The following CARD6 variants were observed in gnomAD, a reference collection of about 807,000 sequenced individuals.
CARD6 encodes caspase recruitment domain family member 6, also known as caspase recruitment domain-containing protein 6.
A neutral mutation model predicts 23.6 loss-of-function variants in CARD6; 27 were observed. That is an observed-to-expected ratio of 1.14 (90% confidence interval 0.84 to 1.58). CARD6 has a LOEUF of 1.58. CARD6 is among the 40% of genes most tolerant of loss of function. CARD6 has a pLI of 0.00. For missense variants in CARD6, 1,214 were observed against 1,209.9 expected (o/e 1.00, Z -0.05); for synonymous variants, 397 against 431.8 (o/e 0.92, Z 1.00).
intron 2 of CARD6, among the ~76,000 whole-genome samples, chr5:40,847,542 T>C (rs1036478548): frequency 1.3e-5 from 2 of 152,200 alleles, no homozygotes; most frequent in Non-Finnish European, 2.9e-5. Flanking sequence ...TAAATTCTCT[T>C]AGTTTTTGTT....
chr5:40,851,283 A>T (rs370421000), intron 2 of CARD6, among the ~76,000 whole-genome samples: 2 of 151,952 alleles, frequency 1.3e-5, no homozygotes, highest in South Asian at 2.1e-4. Context: ...GTGAGCTGAG[A>T]TCTTGCCACT....
At position 40,853,312 on chromosome 5, in the gene CARD6, C is replaced by G; in HGVS notation, c.1980C>G (p.Asp660Glu). 2 of 1,614,176 alleles carry G rather than the reference C, an allele frequency of 1.2e-6. No individual in the cohort carries two copies. The highest frequency in any genetic ancestry group is 2.2e-5 in the South Asian group (2 of 91,086). The change falls in exon 3 of 3, where the codon GAC becomes GAG. Residue 660 changes from aspartate (D) to glutamate (E), a missense_variant. Physicochemically the swap from Asp to Glu is conservative, Grantham distance 45. Coordinates refer to ENST00000254691, the MANE Select transcript of CARD6 (RefSeq NM_032587.4). Reference protein sequence around the residue: ...ARELGIQVDEDFENTQRIQVS... With the variant: ...ARELGIQVDEEFENTQRIQVS... ...AGCTGGGGATTCAGGTAGATGAAGA[C>G]TTTGAAAACACTCAGAGAATTCAAG...
Position 40,852,462 on chromosome 5 carries a change from A to G in CARD6, c.1130A>G (p.Asp377Gly). Reference protein sequence around the residue: ...IRDIQTINPLDVLCATMLCSD... With the variant: ...IRDIQTINPLGVLCATMLCSD... ...GACATACAAACCATTAATCCCCTTG[A>G]CGTGCTTTGTGCCACCATGCTGTGT... The change falls in exon 3 of 3, where the codon GAC becomes GGC. Residue 377 changes from aspartate to glycine, a missense_variant. Transcript: ENST00000254691. 1 of 1,614,176 alleles carries G rather than the reference A, an allele frequency of 6.2e-7. No individual in the cohort carries two copies. The highest frequency in any genetic ancestry group is 1.3e-5 in the African/African-American group (1 of 75,058).
chr5:40,849,801 C>T (rs902219049), intron 2 of CARD6, among the ~76,000 whole-genome samples: 1 of 151,560 alleles, frequency 6.6e-6, no homozygotes, highest in Admixed American at 6.6e-5. Flanking sequence ...ATGGTGAGAC[C>T]CTGTCTCTAC....
chr5:40,853,868 G>T lies in CARD6; in HGVS notation c.2536G>T (p.Ala846Ser), dbSNP rs141788626. 1.1e-5 allele frequency: 17 copies of T among 1,614,072 alleles called. No homozygotes were observed. The African/African-American group carries it at 2.0e-4, about 19-fold the overall frequency. ...AACTCTTGAAAGGTCTAGGGCAGTA[G>T]CCTCCAAGATAGGTCACTCCTATTC... ...MGTLERSRAV[A>S]SKIGHSYSLD... The change falls in exon 3 of 3, where the codon GCC becomes TCC. Residue 846 changes from alanine (A) to serine (S), a missense_variant. Physicochemically the swap from Ala to Ser is moderately conservative, Grantham distance 99 (BLOSUM62 1). Coordinates refer to ENST00000254691, the MANE Select transcript of CARD6 (RefSeq NM_032587.4).
At position 40,843,396 on chromosome 5, in the gene CARD6, A is replaced by G. The variant is rs1745910158; in HGVS notation, c.528A>G (p.Leu176=). The G allele has an allele frequency of 6.2e-7, 1 of 1,614,116 alleles. No homozygotes were observed. Among genetic ancestry groups the G allele is most frequent in the Non-Finnish European group, 8.5e-7 (1 of 1,179,956 alleles). ...AATATGACACACCAGAAGTCACATT[A>G]TCATATTCAGTTGAGAAAGTTGGAT... ...EKEYDTPEVT[L]SYSVEKVGCE... The change falls in exon 2 of 3, where the codon TTA becomes TTG. Residue 176 remains leucine, a synonymous_variant. Coordinates refer to ENST00000254691, the MANE Select transcript of CARD6 (RefSeq NM_032587.4).
Position 40,853,562 on chromosome 5 carries a change from C to T in CARD6, c.2230C>T (p.His744Tyr). The T allele has an allele frequency of 1.2e-6, 2 of 1,614,186 alleles. No individual in the cohort carries two copies. Among genetic ancestry groups the T allele is most frequent in the Non-Finnish European group, 1.7e-6 (2 of 1,180,024 alleles). ...FPTRIGGNFN[H>Y]VSLKASWVMG... ...AACCAGAATTGGAGGTAACTTTAAC[C>T]ATGTTTCCTTGAAAGCCTCCTGGGT... The change falls in exon 3 of 3, where the codon CAT (histidine) becomes TAT (tyrosine). Residue 744 changes from histidine to tyrosine, a missense_variant. Transcript: ENST00000254691.
chr5:40,854,304 A>C lies in CARD6; in HGVS notation c.2972A>C (p.Gln991Pro), dbSNP rs773070764. 1 of 1,614,136 alleles carries C rather than the reference A, an allele frequency of 6.2e-7. No individual in the cohort carries two copies. Among genetic ancestry groups the C allele is most frequent in the East Asian group, 2.2e-5 (1 of 44,870 alleles). Residue 991 changes from glutamine (Q) to proline (P), a missense_variant, in exon 3 of 3, where the codon CAG becomes CCG. Gln to Pro is a moderately conservative substitution (Grantham distance 76). Coordinates refer to ENST00000254691, the MANE Select transcript of CARD6 (RefSeq NM_032587.4). Reference sequence around the variant, plus strand: ...AAACCTTCTCCATGCAAATCTACTCAGCCTAAGCCAAGCCAGCCCTGGCCT... The same window carrying C: ...AAACCTTCTCCATGCAAATCTACTCCGCCTAAGCCAAGCCAGCCCTGGCCT... ...QTKPSPCKST[Q>P]PKPSQPWPPQ...
intron 2 of CARD6, among the ~76,000 whole-genome samples, chr5:40,850,725 A>AC (rs2112174951): frequency 6.7e-6 from 1 of 149,392 alleles, no homozygotes; most frequent in East Asian, 2.0e-4. Flanking sequence ...CGTCTCCAAA[A>AC]AAAAAAAAAA....
chr5:40,853,254 T>C lies in CARD6; in HGVS notation c.1922T>C (p.Val641Ala), dbSNP rs1255469742. The C allele has an allele frequency of 8.7e-6, 14 of 1,614,120 alleles. No individual in the cohort carries two copies. Among genetic ancestry groups the C allele is most frequent in the Non-Finnish European group, 1.2e-5 (14 of 1,180,016 alleles). ...ATGTTCTCTTCTTGCCTCAGATGTG[T>C]GTCTGTGGAGGATATGGCCGCCCTG... ...EVMFSSCLRC[V>A]SVEDMAALAR... Residue 641 changes from valine (V) to alanine (A), a missense_variant, in exon 3 of 3, where the codon GTG becomes GCG. Physicochemically the swap from Val to Ala is moderately conservative, Grantham distance 64 (BLOSUM62 0). Coordinates refer to ENST00000254691, the MANE Select transcript of CARD6 (RefSeq NM_032587.4).
In CARD6 at chr5:40,843,654, T is replaced by G. The variant is rs137988729; in HGVS notation, c.786T>G (p.Tyr262Ter). 2.2e-5 allele frequency: 34 copies of G among 1,571,574 alleles called. No individual in the cohort carries two copies. In the African/African-American group the frequency reaches 3.8e-4, roughly 18 times the overall value. The change falls in exon 2 of 3, where the codon TAT becomes TAG. Residue 262 changes from tyrosine to a stop codon, truncating the protein, a stop_gained. Transcript: ENST00000254691. LOFTEE classifies it high-confidence loss of function. ...TTEFSGEEPS[Y>*]EGSETSLSLE... ...AGTTCTCTGGTGAAGAACCAAGTTA[T>G]GAGGGATCAGAAACCAGCCTTTCAT...
chr5:40,852,477 C>G lies in CARD6; in HGVS notation c.1145C>G (p.Thr382Ser). ...AATCCCCTTGACGTGCTTTGTGCCA[C>G]CATGCTGTGTTCAGATAGCTCTTTG... The part of the protein sequence containing the change: ...TINPLDVLCA[T>S]MLCSDSSLQR... The change falls in exon 3 of 3, where the codon ACC (threonine) becomes AGC (serine). Residue 382 changes from threonine to serine, a missense_variant. Physicochemically the swap from Thr to Ser is moderately conservative, Grantham distance 58 (BLOSUM62 1). Transcript: ENST00000254691. 2 of 1,614,122 alleles carry G rather than the reference C, an allele frequency of 1.2e-6. No individual in the cohort carries two copies. Among genetic ancestry groups the G allele is most frequent in the Non-Finnish European group, 1.7e-6 (2 of 1,180,022 alleles).
intron 2 of CARD6, among the ~76,000 whole-genome samples, chr5:40,851,035 T>TA (rs996919965): frequency 1.5e-4 from 23 of 151,104 alleles, no homozygotes; most frequent in African/African-American, 2.4e-4. Context: ...ATCATTTATG[T>TA]AAAAAAAAAT....
At position 40,852,569 on chromosome 5, in the gene CARD6, G is replaced by A; in HGVS notation, c.1237G>A (p.Glu413Lys). The A allele has an allele frequency of 6.2e-7, 1 of 1,614,180 alleles. No individual in the cohort carries two copies. Among genetic ancestry groups the A allele is most frequent in the Non-Finnish European group, 8.5e-7 (1 of 1,180,028 alleles). The change falls in exon 3 of 3, where the codon GAA becomes AAA. Residue 413 changes from glutamate (E) to lysine (K), a missense_variant. Glu to Lys is a moderately conservative substitution (Grantham distance 56). Transcript: ENST00000254691. ...FALPLLLPDA[E>K]NNKSILMLGA... ...TCTTCCCCTGCTACTGCCAGATGCA[G>A]AAAACAACAAAAGCATCTTAATGCT... is the stretch of plus-strand genomic sequence containing the variant.
Position 40,843,284 on chromosome 5 carries a change from A to T in CARD6, c.416A>T (p.His139Leu). 1 of 1,614,170 alleles carries T rather than the reference A, an allele frequency of 6.2e-7. No individual in the cohort carries two copies. Among genetic ancestry groups the T allele is most frequent in the Non-Finnish European group, 8.5e-7 (1 of 1,180,024 alleles). Residue 139 changes from histidine (H) to leucine (L), a missense_variant, in exon 2 of 3, where the codon CAC becomes CTC. Transcript: ENST00000254691. The stretch of plus-strand genomic sequence containing the variant: ...ACAGTGTTCTTCAGTGAGAAGGAAC[A>T]CTTGGATTTGGAAACCTCTGAGTTT... Reference protein sequence around the residue: ...EITVFFSEKEHLDLETSEFFR... With the variant: ...EITVFFSEKELLDLETSEFFR...
At position 40,853,618 on chromosome 5, in the gene CARD6, G is replaced by T. The variant is rs1746124937; in HGVS notation, c.2286G>T (p.Arg762Ser). The T allele has an allele frequency of 2.5e-6, 4 of 1,614,104 alleles. No individual in the cohort carries two copies. In the African/African-American group the frequency reaches 5.3e-5, roughly 22 times the overall value. The change falls in exon 3 of 3, where the codon AGG becomes AGT. Residue 762 changes from arginine (R) to serine (S), a missense_variant. Transcript: ENST00000254691. ...GCCGCCCCTTTGGGTCAGAGCAGAG[G>T]CCTAAGTGGTTCCATCCTTTGCCTT... ...VMGRPFGSEQ[R>S]PKWFHPLPFQ...
rs1017622301 is a variant in CARD6, at chr5:40,854,033, C to A, written c.2701C>A (p.Pro901Thr). The change falls in exon 3 of 3, where the codon CCA (proline) becomes ACA (threonine). Residue 901 changes from proline (P) to threonine (T), a missense_variant. Transcript: ENST00000254691. Reference sequence around the variant, plus strand: ...AAAGCCTCACCCTCAGTCCTTTCAACCAGCAGCAGCCACACAAAAACTAAG... The same window carrying A: ...AAAGCCTCACCCTCAGTCCTTTCAAACAGCAGCAGCCACACAAAAACTAAG... ...IGKPHPQSFQ[P>T]AAATQKLRPA... 1 of 1,614,176 alleles carries A rather than the reference C, an allele frequency of 6.2e-7. No individual in the cohort carries two copies. The highest frequency in any genetic ancestry group is 8.5e-7 in the Non-Finnish European group (1 of 1,180,026).
At chr5:40,841,814 T>C (rs1165097475) in intron 1 of CARD6, 149 bp downstream of exon 1, 1 of 705,110 alleles carries the variant, frequency 1.4e-6, no homozygotes, top group Non-Finnish European at 2.3e-6. Context: ...AGGGAAAAAC[T>C]GGAATTTAAA....
At position 40,841,469 on chromosome 5, in the gene CARD6, CTT is replaced by C. The variant is rs141244584; in HGVS notation, c.88_89del (p.Leu30ArgfsTer11). Reference protein sequence around the residue: ...EILQHDPDSILDTLTSRRLIS... With the variant: ...EILQHDPDSIXDTLTSRRLIS... ...TCCTTCAACATGATCCTGATTCTAT[CTT>C]AGACACGTTAACTTCTCGGAGGCTG... On this transcript the variant is annotated frameshift_variant, in exon 1 of 3. Coordinates refer to ENST00000254691, the MANE Select transcript of CARD6 (RefSeq NM_032587.4). LOFTEE classifies it high-confidence loss of function. The C allele has an allele frequency of 0.022, 35,277 of 1,613,840 alleles. 439 individuals carry two copies. Among genetic ancestry groups the C allele is most frequent in the Non-Finnish European group, 0.025 (29,561 of 1,179,884 alleles).
Sources: gnomAD v4.1 joint callset for allele counts (sites outside exome capture counted in the v4.1 genomes callset) on GRCh38, gnomAD v4.1.1 for gene constraint, MANE v1.5 for transcripts, NCBI Gene and HGNC (gene_info 2026-07-23, HGNC 2026-07-21) for gene names.